Variants in DNAH7 observed in about 807,000 individuals in gnomAD.
DNAH7 encodes dynein axonemal heavy chain 7, also known as axonemal beta dynein heavy chain 7.
DNAH7 carries 397 observed loss-of-function variants against 444.6 expected under a neutral mutation model. The observed-to-expected ratio is 0.89, with a 90% confidence interval of 0.82 to 0.97. The LOEUF (loss-of-function observed/expected upper bound fraction) is 0.97. DNAH7 is among the 50% of genes least tolerant of loss of function. DNAH7 has a pLI of 0.00. For synonymous variants in DNAH7, 1,636 were observed against 1,624.4 expected (o/e 1.01, Z -0.17); for missense variants, 4,902 against 4,800.8 (o/e 1.02, Z -0.62).
At chr2:195,852,377 G>A (rs528259718) in intron 46 of DNAH7, among the ~76,000 whole-genome samples, 1 of 152,150 alleles carries the variant, frequency 6.6e-6, no homozygotes, top group South Asian at 2.1e-4. Flanking sequence ...AATGCTCAGT[G>A]AAATTATAAA....
intron 12 of DNAH7, among the ~76,000 whole-genome samples, chr2:196,000,101 G>A (rs934567704): frequency 6.6e-6 from 1 of 152,138 alleles, no homozygotes; most frequent in East Asian, 1.9e-4. Context: ...TTACACACTA[G>A]TTTCCTGCAC....
intron 63 of DNAH7, among the ~76,000 whole-genome samples, chr2:195,748,126 C>CA (rs1693542059): frequency 6.6e-6 from 1 of 152,080 alleles, no homozygotes; most frequent in Non-Finnish European, 1.5e-5. Context: ...TGATAAGCAA[C>CA]TTCAGCAATG....
At chr2:195,981,483 C>A (rs893715609) in intron 15 of DNAH7, among the ~76,000 whole-genome samples, 1 of 151,624 alleles carries the variant, frequency 6.6e-6, no homozygotes, top group Non-Finnish European at 1.5e-5. Flanking sequence ...TATACGAAAC[C>A]GCAAAAACCC....
chr2:196,040,962 A>G (rs184251529), intron 5 of DNAH7, among the ~76,000 whole-genome samples: 5 of 152,170 alleles, frequency 3.3e-5, no homozygotes, highest in African/African-American at 2.4e-5. Flanking sequence ...CCAATTTATA[A>G]CAGCTAAGAA....
intron 19 of DNAH7, among the ~76,000 whole-genome samples, chr2:195,943,307 T>G (rs1318335487): frequency 6.6e-6 from 1 of 152,184 alleles, no homozygotes; most frequent in Non-Finnish European, 1.5e-5. Context: ...AGGTCAATAT[T>G]CATAGTAGGA....
intron 19 of DNAH7, among the ~76,000 whole-genome samples, chr2:195,946,041 T>C (rs1171032686): frequency 6.6e-6 from 1 of 152,098 alleles, no homozygotes; most frequent in African/African-American, 2.4e-5. Flanking sequence ...GGAGATCTGG[T>C]CAGTCACCCG....
chr2:195,943,686 T>C (rs1689616049), intron 19 of DNAH7, among the ~76,000 whole-genome samples: 1 of 152,198 alleles, frequency 6.6e-6, no homozygotes, highest in South Asian at 2.1e-4. Flanking sequence ...CTTCTTCATT[T>C]ATAGCTACAT....
At chr2:195,794,262 G>T in intron 57 of DNAH7, 76 bp downstream of exon 57, 1 of 1,405,492 alleles carries the variant, frequency 7.1e-7, no homozygotes, top group Non-Finnish European at 1.0e-6. Context: ...TTTACTCAGT[G>T]CACACATCCA....
chr2:195,988,009 T>A lies in DNAH7; in HGVS notation c.1574A>T (p.Glu525Val). The change falls in exon 13 of 65, where the codon GAA (glutamate) becomes GTA (valine). Residue 525 changes from glutamate to valine, a missense_variant. By Grantham distance (121) the Glu-to-Val change is moderately radical (BLOSUM62 -2). Transcript: ENST00000312428. The stretch of plus-strand genomic sequence containing the variant: ...TATTAGTTTCTGGTATTTGCAAATT[T>A]CATCTATTATTTTTTCATAACTATG... ...ENHSYEKIID[E>V]ICKYQKLIEE... is the part of the protein sequence containing the mutation. 3 of 1,612,876 alleles carry A rather than the reference T, an allele frequency of 1.9e-6. No homozygotes were observed. The highest frequency in any genetic ancestry group is 2.5e-6 in the Non-Finnish European group (3 of 1,179,326).
At chr2:195,825,249 T>C (rs978381641) in intron 48 of DNAH7, 5 of 148,348 alleles carry the variant, frequency 3.4e-5, no homozygotes, top group Non-Finnish European at 6.0e-5. Context: ...CAGAGCAATA[T>C]CCTGTCTCAA....
intron 47 of DNAH7, among the ~76,000 whole-genome samples, chr2:195,834,766 C>A (rs1270669014): frequency 6.6e-6 from 1 of 152,196 alleles, no homozygotes; most frequent in South Asian, 2.1e-4. Flanking sequence ...AGTCACTTTG[C>A]TTCCTTAGTT....
At chr2:195,840,136 T>C (rs1261211063) in intron 47 of DNAH7, among the ~76,000 whole-genome samples, 1 of 151,554 alleles carries the variant, frequency 6.6e-6, no homozygotes, top group Admixed American at 6.6e-5. Flanking sequence ...AATCCAAAAA[T>C]ATATAAATAA....
intron 30 of DNAH7, chr2:195,892,529 A>G (rs1702073769): frequency 6.6e-6 from 1 of 151,700 alleles, no homozygotes. Context: ...TTACAGAAAA[A>G]TTGAGCAGAA....
intron 63 of DNAH7, among the ~76,000 whole-genome samples, chr2:195,745,654 C>A (rs1321598001): frequency 2.6e-5 from 4 of 152,246 alleles, no homozygotes; most frequent in Admixed American, 1.3e-4. Context: ...AACAGCAGAT[C>A]TCTGGGCAGA....
chr2:195,764,859 T>G (rs866355791), intron 61 of DNAH7, among the ~76,000 whole-genome samples: 1 of 149,762 alleles, frequency 6.7e-6, no homozygotes, highest in Non-Finnish European at 1.5e-5. Context: ...ACCTATGACA[T>G]TCTTTATAGA....
At chr2:195,786,729 T>C (rs1392706091) in intron 58 of DNAH7, among the ~76,000 whole-genome samples, 1 of 152,214 alleles carries the variant, frequency 6.6e-6, no homozygotes, top group African/African-American at 2.4e-5. Flanking sequence ...CTTTTCAAAA[T>C]AAGTATAATA....
intron 7 of DNAH7, among the ~76,000 whole-genome samples, chr2:196,024,934 C>T (rs913209772): frequency 1.3e-5 from 2 of 149,578 alleles, no homozygotes; most frequent in Non-Finnish European, 3.0e-5. Context: ...AACGATGAAT[C>T]AAAAATATTC....
intron 7 of DNAH7, among the ~76,000 whole-genome samples, chr2:196,024,967 GACA>G (rs932115945): frequency 7.3e-5 from 11 of 151,454 alleles, no homozygotes; most frequent in African/African-American, 2.7e-4. Flanking sequence ...AAAAATAACA[GACA>G]ACAATAAAAA....
chr2:195,780,195 A>G (rs1170561122), intron 58 of DNAH7, among the ~76,000 whole-genome samples: 1 of 152,162 alleles, frequency 6.6e-6, no homozygotes, highest in Non-Finnish European at 1.5e-5. Flanking sequence ...TGATAATAAA[A>G]CAATATAATT....
Sources: allele counts gnomAD v4.1 joint callset (sites outside exome capture counted in the v4.1 genomes callset), GRCh38; gene constraint gnomAD v4.1.1; transcripts MANE v1.5; gene names NCBI Gene and HGNC (gene_info 2026-07-23, HGNC 2026-07-21).